The following SLC19A1 variants were observed in gnomAD, a reference collection of about 807,000 sequenced individuals.
The protein encoded by SLC19A1 is solute carrier family 19 member 1.
SLC19A1 carries 37 observed loss-of-function variants against 35.3 expected under a neutral mutation model. That is an observed-to-expected ratio of 1.05 (90% CI 0.81 to 1.38). SLC19A1 has a LOEUF of 1.38. Among genes scored for constraint, SLC19A1 ranks in the 40% most tolerant of loss-of-function variants. The pLI is 0.00. For synonymous variants in SLC19A1, 460 were observed against 398.5 expected, an observed-to-expected ratio of 1.15 and a Z score of -1.84; for missense variants, 831 against 826.9, an observed-to-expected ratio of 1.00 and a Z score of -0.06.
rs1314284744 is a variant in SLC19A1 at position 45,530,190 on chromosome 21, G to GTCCATGTGTGATATA, written c.1151+565_1151+579dup. On this transcript the variant is annotated intron_variant, in intron 4 of 5. Transcript: ENST00000311124. This position sits in a 1 kb window ranked among gnomAD's most constrained non-coding sequence, Gnocchi z 5.3. ...TGTGGTGCGTCCATGTGTAGTGGGT[G>GTCCATGTGTGATATA]TCCATGTGTGATATATCCATGTGTG... 6.6e-6 allele frequency among the ~76,000 whole-genome samples: 1 copy of GTCCATGTGTGATATA among 151,358 alleles called. No individual in the cohort carries two copies. Among genetic ancestry groups the GTCCATGTGTGATATA allele is most frequent in the African/African-American group, 2.4e-5 (1 of 41,102 alleles).
Position 45,534,502 on chromosome 21 carries a change from AAAAG to A in SLC19A1, c.190-2358_190-2355del, listed in dbSNP as rs1342914726. 1 of 1,483,596 alleles carries A rather than the reference AAAAG, an allele frequency of 6.7e-7. No homozygotes were observed. The highest frequency in any genetic ancestry group is 1.4e-5 in the African/African-American group (1 of 72,012). The allele number at this position is 1,483,596 out of a possible 1,614,324, so 91.9% of individuals were successfully genotyped here. Reference sequence around the variant, plus strand: ...CTCCCCAGACCCCACGGCTCTCTGGAAAAGGGCGGCCAGGGGTCCTAGAAGCCTC... The same window carrying A: ...CTCCCCAGACCCCACGGCTCTCTGGAGGCGGCCAGGGGTCCTAGAAGCCTC... On this transcript the variant is annotated intron_variant, in intron 2 of 5. Transcript: ENST00000311124. This position sits in a 1 kb window ranked among gnomAD's most constrained non-coding sequence, Gnocchi z 4.2.
intron 4 of SLC19A1, 120 bp from the exon 5 acceptor site, chr21:45,526,078 G>A (rs1408594491): frequency 1.2e-5 from 13 of 1,075,254 alleles, no homozygotes; most frequent in Admixed American, 2.3e-5. Flanking sequence ...GGGGTCCCAG[G>A]GCACGCACAA....
intron 5 of SLC19A1, among the ~76,000 whole-genome samples, chr21:45,518,871 A>G (rs1201665019): frequency 6.6e-6 from 1 of 152,216 alleles, no homozygotes; most frequent in Non-Finnish European, 1.5e-5. Flanking sequence ...AAAACAAACA[A>G]AAAACAAGTT....
chr21:45,547,485 T>C (rs893772756), upstream of SLC19A1, among the ~76,000 whole-genome samples: 1 of 152,218 alleles, frequency 6.6e-6, no homozygotes, highest in Admixed American at 6.5e-5. Context: ...ATAAGAATCA[T>C]TTAGAATCTA....
intron 1 of SLC19A1, among the ~76,000 whole-genome samples, chr21:45,560,048 C>A (rs1162632257): frequency 6.6e-6 from 1 of 152,244 alleles, no homozygotes; most frequent in Non-Finnish European, 1.5e-5. Flanking sequence ...TCACACCCCC[C>A]AGCTCCCAAA....
chr21:45,506,084 G>A lies in SLC19A1; in HGVS notation c.498-7472C>T, dbSNP rs561075854. The stretch of plus-strand genomic sequence containing the variant: ...GGGATGGGAGCAGGTGGCAGCCAGC[G>A]CTTCTTAAACTTTCAAACTTTTGGT... On this transcript the variant is annotated intron_variant, in intron 3 of 4. Coordinates refer to the SLC19A1 transcript ENST00000417954. 1.6e-4 allele frequency: 236 copies of A among 1,505,382 alleles called. 1 individual carries two copies. Among genetic ancestry groups the A allele is most frequent in the Middle Eastern group, 2.2e-4 (1 of 4,588 alleles). 93.3% of individuals were successfully genotyped at this position (1,505,382 alleles called of 1,614,324 possible). A position where few individuals can be genotyped will look rare whatever the true frequency, so the allele number is the denominator to read the frequency against.
Position 45,517,726 on chromosome 21 carries a change from A to C in SLC19A1, c.1294-1586T>G, listed in dbSNP as rs1221304577. 2.0e-5 allele frequency among the ~76,000 whole-genome samples: 3 copies of C among 151,962 alleles called. No individual in the cohort carries two copies. Among genetic ancestry groups the C allele is most frequent in the African/African-American group, 7.3e-5 (3 of 41,344 alleles). On this transcript the variant is annotated intron_variant, in intron 5 of 5. Transcript: ENST00000311124. This position sits in a 1 kb window ranked among gnomAD's most constrained non-coding sequence, Gnocchi z 4.4. ...TCCAGACTTTCACCTACCCAGCAATAATGAGAATGTCCCAACCCCAGGGGC... is the reference window on the plus strand; with the variant it reads ...TCCAGACTTTCACCTACCCAGCAATCATGAGAATGTCCCAACCCCAGGGGC...
intron 5 of SLC19A1, among the ~76,000 whole-genome samples, chr21:45,518,618 G>C (rs571129232): frequency 6.6e-6 from 1 of 152,054 alleles, no homozygotes; most frequent in South Asian, 2.1e-4. Flanking sequence ...AGTGGCCAGA[G>C]AAAAATGACA....
intron 3 of SLC19A1, chr21:45,503,968 C>CAGACACCACCTCAGCG: frequency 6.2e-7 from 1 of 1,612,218 alleles, no homozygotes; most frequent in Non-Finnish European, 8.5e-7. Context: ...CCGGCGCTGT[C>CAGACACCACCTCAGCG]AGACACCACC....
chr21:45,562,967 T>C (rs1035732831), exon 1 of SLC19A1, among the ~76,000 whole-genome samples: 5 of 152,130 alleles, frequency 3.3e-5, no homozygotes, highest in Non-Finnish European at 7.4e-5. Context: ...TCTGTGCAGG[T>C]GTGAGAGGCA....
At chr21:45,550,540 T>G (rs2078455025) in intron 1 of SLC19A1, among the ~76,000 whole-genome samples, 1 of 152,144 alleles carries the variant, frequency 6.6e-6, no homozygotes, top group African/African-American at 2.4e-5. Context: ...ACAGGGAGAT[T>G]TGGGCAGGAT....
chr21:45,508,328 T>C (rs2037359646), downstream of SLC19A1, among the ~76,000 whole-genome samples: 1 of 148,672 alleles, frequency 6.7e-6, no homozygotes, highest in Non-Finnish European at 1.5e-5. Context: ...GGTGAGTGGA[T>C]AGATGGGCAG....
intron 4 of SLC19A1, among the ~76,000 whole-genome samples, chr21:45,528,410 C>G (rs1398659486): frequency 1.3e-5 from 2 of 152,006 alleles, no homozygotes; most frequent in Non-Finnish European, 2.9e-5. Context: ...CCAACAGAGT[C>G]AGGAGACACA....
chr21:45,561,383 G>C (rs1050688906), intron 1 of SLC19A1, among the ~76,000 whole-genome samples: 1 of 152,210 alleles, frequency 6.6e-6, no homozygotes, highest in Non-Finnish European at 1.5e-5. Flanking sequence ...ATTAAATATG[G>C]TAGGTCTGGG....
At chr21:45,510,407 G>A, downstream of SLC19A1, 1 of 936,018 alleles carries the variant, frequency 1.1e-6, no homozygotes, top group Non-Finnish European at 1.7e-6. Flanking sequence ...TTCAGGGCAG[G>A]CTCCGGGTGG....
chr21:45,531,634 C>T lies in SLC19A1; in HGVS notation c.704G>A (p.Gly235Asp), dbSNP rs769876248. ...CCGCAGGGCGTGTCCCAGCTTCCCG[C>T]CTGGGCCAGGATTCATGCGCTCCAG... is the stretch of plus-strand genomic sequence containing the variant. Reference protein sequence around the residue: ...SELERMNPGPGGKLGHALRVA... With the variant: ...SELERMNPGPDGKLGHALRVA... Residue 235 changes from glycine to aspartate, a missense_variant, in exon 3 of 6, where the codon GGC becomes GAC. Transcript: ENST00000311124. 2.5e-6 allele frequency: 4 copies of T among 1,612,274 alleles called. No individual in the cohort carries two copies. In the South Asian group the frequency reaches 4.4e-5, roughly 18 times the overall value.
rs76247277 is a variant in SLC19A1, at chr21:45,504,647, G to A, written c.498-6035C>T. On this transcript the variant is annotated intron_variant, in intron 3 of 4. Coordinates refer to the SLC19A1 transcript ENST00000417954. ...GTCCAGCCCGGCCTTCGACACCCGC[G>A]AAGGCCGGAGCTGCCCCTGCAAGCT... The A allele has an allele frequency of 1.4e-3, 1,649 of 1,170,740 alleles. 8 individuals are homozygous for A. The African/African-American group carries it at 0.018, about 13-fold the overall frequency. The allele number at this position is 1,170,740 out of a possible 1,614,324, so 72.5% of individuals were successfully genotyped here.
intron 5 of SLC19A1, among the ~76,000 whole-genome samples, chr21:45,520,667 C>T (rs1348591940): frequency 3.3e-5 from 5 of 152,150 alleles, no homozygotes; most frequent in African/African-American, 9.7e-5. Context: ...AAGGTAATTA[C>T]GGTTAAATGA....
intron 1 of SLC19A1, among the ~76,000 whole-genome samples, chr21:45,555,135 A>C (rs1475735066): frequency 8.6e-6 from 1 of 115,716 alleles, no homozygotes; most frequent in Non-Finnish European, 1.8e-5. Flanking sequence ...CAGCCTCGCG[A>C]CGCAGGGGGC....
Sources: gnomAD v4.1 joint callset for allele counts (sites outside exome capture counted in the v4.1 genomes callset) on GRCh38, gnomAD v4.1.1 for gene constraint, Gnocchi (gnomAD v3.1) non-coding constraint, MANE v1.5 for transcripts, NCBI Gene and HGNC (gene_info 2026-07-23, HGNC 2026-07-21) for gene names.